Variants in POC1A observed in about 807,000 individuals in gnomAD.
POC1A encodes POC1 centriolar protein homolog A.
In POC1A, 34 loss-of-function variants were observed where a neutral mutation model predicts 47.8. The ratio of observed to expected loss-of-function variants is 0.71; its 90% CI spans 0.54 to 0.95. The LOEUF is 0.95. Among genes scored for constraint, POC1A ranks in the 40% least tolerant of loss-of-function variants. POC1A has a pLI of 0.00. For missense variants in POC1A, 466 were observed against 528.3 expected, an observed-to-expected ratio of 0.88 and a Z score of 1.16; for synonymous variants, 177 against 207.6, an observed-to-expected ratio of 0.85 and a Z score of 1.27.
chr3:52,149,536 C>A (rs1698483189), intron 3 of POC1A, 147 bp from the exon 4 acceptor site: 1 of 717,074 alleles, frequency 1.4e-6, no homozygotes. Context: ...AAAGCCAGAG[C>A]CTCTCCTATA....
chr3:52,150,600 CT>C lies in POC1A; in HGVS notation c.103+415del, dbSNP rs1215329114. Among the ~76,000 whole-genome samples, 7 of 152,142 alleles carry C rather than the reference CT, an allele frequency of 4.6e-5. No homozygotes were observed. The South Asian group carries it at 8.3e-4, about 18-fold the overall frequency. ...CAGTGGGGTCGAGGGGGGTGCCCATCTCTGCTCAACAGCCTTCTCACTGACA... is the reference window on the plus strand; with the variant it reads ...CAGTGGGGTCGAGGGGGGTGCCCATCCTGCTCAACAGCCTTCTCACTGACA... On this transcript the variant is annotated intron_variant, in intron 2 of 10. Coordinates refer to ENST00000296484, the MANE Select transcript of POC1A (RefSeq NM_015426.5).
chr3:52,107,273 C>T (rs943119865), intron 9 of POC1A, among the ~76,000 whole-genome samples: 1 of 152,206 alleles, frequency 6.6e-6, no homozygotes, highest in African/African-American at 2.4e-5. Context: ...TGTGGGGCAG[C>T]AAGGTGGAGC....
At chr3:52,115,106 C>T (rs1433905383) in intron 9 of POC1A, among the ~76,000 whole-genome samples, 2 of 152,076 alleles carry the variant, frequency 1.3e-5, no homozygotes, top group Admixed American at 6.5e-5. Flanking sequence ...CATCTTCTGA[C>T]TTGCCTGCAG....
At chr3:52,112,550 G>A (rs993557919) in intron 9 of POC1A, among the ~76,000 whole-genome samples, 2 of 152,188 alleles carry the variant, frequency 1.3e-5, no homozygotes, top group African/African-American at 4.8e-5. Flanking sequence ...GCTGAGACAT[G>A]AGAATTGTTT....
At chr3:52,150,331 C>T (rs1698517425) in intron 2 of POC1A, among the ~76,000 whole-genome samples, 1 of 152,184 alleles carries the variant, frequency 6.6e-6, no homozygotes, top group African/African-American at 2.4e-5. Context: ...AGAGCAAGTC[C>T]TCCCCAGCTG....
intron 9 of POC1A, 78 bp downstream of exon 9, chr3:52,122,301 C>CT: frequency 2.4e-6 from 2 of 819,376 alleles, no homozygotes; most frequent in Admixed American, 3.7e-5. Flanking sequence ...CCCTCACCGT[C>CT]TCCAAGCCCA....
At position 52,079,611 on chromosome 3, in the gene POC1A, C is replaced by T. The variant is rs1018540958; in HGVS notation, c.1126-3626G>A. Among the ~76,000 whole-genome samples, 7 of 152,208 alleles carry T rather than the reference C, an allele frequency of 4.6e-5. No individual in the cohort carries two copies. The highest frequency in any genetic ancestry group is 1.7e-4 in the African/African-American group (7 of 41,444). On this transcript the variant is annotated intron_variant, in intron 10 of 10. Coordinates refer to ENST00000296484, the MANE Select transcript of POC1A (RefSeq NM_015426.5). This position sits in a 1 kb window ranked among gnomAD's most constrained non-coding sequence, Gnocchi z 4.6. ...GTCTGGTCCTAGCCCCTCAGAAGGT[C>T]CCCAAAGAGGTACAGGCTGTGTCAG...
At chr3:52,112,325 T>C (rs937868676) in intron 9 of POC1A, among the ~76,000 whole-genome samples, 91 of 152,154 alleles carry the variant, frequency 6.0e-4, no homozygotes, top group African/African-American at 2.0e-3. Flanking sequence ...CTGGGCTTTC[T>C]TTAAACAGTA....
In POC1A at chr3:52,126,152, C is replaced by G. The variant is rs746538037; in HGVS notation, c.814-971G>C. 1.6e-4 allele frequency among the ~76,000 whole-genome samples: 24 copies of G among 152,208 alleles called. 1 individual carries two copies. Among genetic ancestry groups the G allele is most frequent in the African/African-American group, 5.8e-4 (24 of 41,450 alleles). ...CCACTGTCACCAAGTCCACCTCAGT[C>G]CCCCCAGACCAGTGCAGGGAGCGGC... is the stretch of plus-strand genomic sequence containing the variant. On this transcript the variant is annotated intron_variant, in intron 7 of 10. Coordinates refer to ENST00000296484, the MANE Select transcript of POC1A (RefSeq NM_015426.5).
At chr3:52,092,161 T>G (rs1319617329) in intron 10 of POC1A, among the ~76,000 whole-genome samples, 1 of 152,194 alleles carries the variant, frequency 6.6e-6, no homozygotes, top group African/African-American at 2.4e-5. Context: ...GCTCAGTGTT[T>G]ACTGGGGCAA....
chr3:52,097,016 C>T (rs575506716), intron 9 of POC1A, among the ~76,000 whole-genome samples: 8 of 152,308 alleles, frequency 5.3e-5, no homozygotes, highest in African/African-American at 1.9e-4. Flanking sequence ...CTCTTGGAGC[C>T]CCTCAGGGAA....
At chr3:52,143,608 C>T (rs1172370436) in intron 6 of POC1A, among the ~76,000 whole-genome samples, 5 of 152,146 alleles carry the variant, frequency 3.3e-5, no homozygotes, top group Non-Finnish European at 7.3e-5. Context: ...ATCCCTGGGT[C>T]CAGCTGGCCC....
intron 9 of POC1A, among the ~76,000 whole-genome samples, chr3:52,117,874 T>C (rs1178192608): frequency 6.6e-6 from 1 of 152,180 alleles, no homozygotes; most frequent in Non-Finnish European, 1.5e-5. Context: ...AAAATGCTTC[T>C]GTGGTTGAGC....
intron 10 of POC1A, among the ~76,000 whole-genome samples, chr3:52,091,044 G>A (rs1277927625): frequency 1.3e-5 from 2 of 152,174 alleles, no homozygotes; most frequent in Non-Finnish European, 2.9e-5. Flanking sequence ...CCTTGTCTGG[G>A]TTTTTCTCTG....
intron 10 of POC1A, among the ~76,000 whole-genome samples, chr3:52,080,861 G>A (rs1702258255): frequency 6.6e-6 from 1 of 152,232 alleles, no homozygotes; most frequent in Non-Finnish European, 1.5e-5. Context: ...CTAAATCGGA[G>A]TGACAGGAAG....
At chr3:52,131,645 A>AC (rs1362597474) in intron 7 of POC1A, among the ~76,000 whole-genome samples, 1 of 152,116 alleles carries the variant, frequency 6.6e-6, no homozygotes, top group Non-Finnish European at 1.5e-5. Context: ...ACACCAAGGC[A>AC]CCCGGCAAAG....
At chr3:52,149,047 A>G (rs1408476313) in intron 4 of POC1A, among the ~76,000 whole-genome samples, 163 bp downstream of exon 4, 2 of 152,166 alleles carry the variant, frequency 1.3e-5, no homozygotes, top group African/African-American at 4.8e-5. Context: ...ACAATGCAGG[A>G]GCTATTATTG....
rs145141235 is a variant in POC1A at position 52,083,376 on chromosome 3, C to G, written c.1126-7391G>C. Among the ~76,000 whole-genome samples the G allele has an allele frequency of 7.8e-3, 1,189 of 152,242 alleles. 8 individuals carry two copies. Among genetic ancestry groups the G allele is most frequent in the Non-Finnish European group, 0.012 (803 of 68,016 alleles). ...GTGACTGACCTGGCTGCACCTCACA[C>G]CCCGTGGAGTGACGTACAGTCCCTC... On this transcript the variant is annotated intron_variant, in intron 10 of 10. Transcript: ENST00000296484.
intron 8 of POC1A, among the ~76,000 whole-genome samples, chr3:52,122,953 C>A (rs953058787): frequency 1.3e-5 from 2 of 152,232 alleles, no homozygotes; most frequent in African/African-American, 4.8e-5. Flanking sequence ...GAAGTTCCTG[C>A]GGGCGGTGGC....
Sources: gnomAD v4.1 joint callset for allele counts (sites outside exome capture counted in the v4.1 genomes callset) on GRCh38, gnomAD v4.1.1 for gene constraint, Gnocchi (gnomAD v3.1) non-coding constraint, MANE v1.5 for transcripts, NCBI Gene and HGNC (gene_info 2026-07-23, HGNC 2026-07-21) for gene names.